Variants in PDK3 observed in about 807,000 individuals in gnomAD.
The protein encoded by PDK3 is pyruvate dehydrogenase kinase, isozyme 3.
A neutral mutation model predicts 32.0 loss-of-function variants in PDK3; 12 were observed. The ratio of observed to expected loss-of-function variants is 0.37; its 90% CI spans 0.24 to 0.61. The LOEUF (loss-of-function observed/expected upper bound fraction) is 0.61. Among genes scored for constraint, PDK3 ranks in the 20% least tolerant of loss-of-function variants. The pLI is 0.65. For missense variants in PDK3, 188 were observed against 316.9 expected (o/e 0.59, Z 3.09); for synonymous variants, 122 against 116.3 (o/e 1.05, Z -0.31).
chrX:24,496,638 G>T (rs1219562075), intron 2 of PDK3, among the ~76,000 whole-genome samples: 1 of 73,802 alleles, frequency 1.4e-5, no homozygotes, highest in African/African-American at 5.4e-5. Flanking sequence ...ATCATGCATT[G>T]TGTTTCACTG....
chrX:24,502,840 T>C (rs1921893611), intron 3 of PDK3, among the ~76,000 whole-genome samples: 1 of 111,717 alleles, frequency 9.0e-6, no homozygotes. Context: ...TGAGACTCCG[T>C]CAAAAGAACA....
At chrX:24,522,688 T>C (rs950777812) in intron 6 of PDK3, among the ~76,000 whole-genome samples, 5 of 110,632 alleles carry the variant, frequency 4.5e-5, no homozygotes, top group Admixed American at 9.7e-5. Context: ...GGCGGATCAC[T>C]TGAGGTCAGG....
chrX:24,527,995 CTTTA>C (rs1263430119), intron 8 of PDK3, 77 bp from the exon 9 acceptor site: 1 of 554,173 alleles, frequency 1.8e-6, no homozygotes, highest in Non-Finnish European at 3.2e-6. Flanking sequence ...CTGCTATGTA[CTTTA>C]TTTAATGAAC....
intron 1 of PDK3, among the ~76,000 whole-genome samples, chrX:24,487,276 C>G: frequency 8.9e-6 from 1 of 111,892 alleles, no homozygotes; most frequent in Middle Eastern, 4.6e-3. Flanking sequence ...TCAGTGTTTT[C>G]AACAGATTGA....
At chrX:24,467,154 C>G (rs1207303658) in intron 1 of PDK3, among the ~76,000 whole-genome samples, 1 of 112,032 alleles carries the variant, frequency 8.9e-6, no homozygotes, top group African/African-American at 3.2e-5. Context: ...ATAGTGTTAT[C>G]ATGGAAAACC....
chrX:24,465,637 T>C (rs1940056347), intron 1 of PDK3, 76 bp downstream of exon 1: 1 of 770,670 alleles, frequency 1.3e-6, no homozygotes, highest in East Asian at 3.5e-5. Flanking sequence ...CTCCGCAGCT[T>C]CGGGGTAAAG....
At chrX:24,473,471 C>G (rs190312910) in intron 1 of PDK3, among the ~76,000 whole-genome samples, 80 of 110,194 alleles carry the variant, frequency 7.3e-4, no homozygotes, top group African/African-American at 2.6e-3. Context: ...GAGTCTCACT[C>G]TGTCACCTAG....
At position 24,465,404 on chromosome X, in the gene PDK3, C is replaced by A; in HGVS notation, c.-52C>A. On this transcript the variant is annotated 5_prime_UTR_variant, in exon 1 of 11. Coordinates refer to ENST00000379162, the MANE Select transcript of PDK3 (RefSeq NM_005391.5). Reference sequence around the variant, plus strand: ...TATCCGTGCGGCTTGGCTGCGCCAGCCCTTGCGGCCACCCGGGCGTCTAGG... The same window carrying A: ...TATCCGTGCGGCTTGGCTGCGCCAGACCTTGCGGCCACCCGGGCGTCTAGG... 1.0e-6 allele frequency: 1 copy of A among 959,652 alleles called. No homozygotes were observed. The highest frequency in any genetic ancestry group is 2.1e-5 in the South Asian group (1 of 48,067). 79.1% of individuals were successfully genotyped at this position (959,652 alleles called of 1,213,427 possible).
chrX:24,489,798 G>A (rs148542739), intron 1 of PDK3, among the ~76,000 whole-genome samples: 1,783 of 111,225 alleles, frequency 0.016, 16 homozygotes, highest in Middle Eastern at 0.028. Flanking sequence ...TACCATAGGC[G>A]AGGCACTATA....
chrX:24,496,769 ATCTTTTTT>A (rs1921721467), intron 2 of PDK3, among the ~76,000 whole-genome samples: 2 of 73,018 alleles, frequency 2.7e-5, no homozygotes, highest in Non-Finnish European at 4.9e-5. Flanking sequence ...CCTCAAAATA[ATCTTTTTT>A]TTTTTTTTTT....
At chrX:24,517,764 CTTTTA>C (rs1244107182) in intron 5 of PDK3, among the ~76,000 whole-genome samples, 2 of 112,120 alleles carry the variant, frequency 1.8e-5, no homozygotes, top group Non-Finnish European at 3.8e-5. Context: ...TACCATATGT[CTTTTA>C]TTTTATCCTT....
downstream of PDK3, among the ~76,000 whole-genome samples, chrX:24,537,097 A>T (rs1393902093): frequency 1.9e-5 from 2 of 102,878 alleles, no homozygotes; most frequent in East Asian, 6.0e-4. Flanking sequence ...TCCCTCAAGG[A>T]GTCTTGTTTC....
chrX:24,531,148 C>T (rs1922640293), intron 9 of PDK3, among the ~76,000 whole-genome samples: 1 of 109,929 alleles, frequency 9.1e-6, no homozygotes, highest in Non-Finnish European at 1.9e-5. Context: ...TCACTGCAAC[C>T]TCCACCTCCT....
intron 3 of PDK3, among the ~76,000 whole-genome samples, chrX:24,501,711 CATAA>C (rs1386162063): frequency 1.8e-5 from 2 of 112,335 alleles, no homozygotes; most frequent in African/African-American, 3.2e-5. Context: ...GACTCTGTCT[CATAA>C]ATAAATAAAC....
chrX:24,475,097 A>T lies in PDK3; in HGVS notation c.106+9536A>T, dbSNP rs780168161. On this transcript the variant is annotated intron_variant, in intron 1 of 10. Transcript: ENST00000379162. ...TCTTGGAGAAAATGGAAAGGTTTTT[A>T]AAAAAATTATGTTAGGAAAAGGGAA... 1.6e-3 allele frequency among the ~76,000 whole-genome samples: 184 copies of T among 112,064 alleles called. 1 individual carries two copies. Among genetic ancestry groups the T allele is most frequent in the South Asian group, 8.5e-3 (23 of 2,713 alleles).
At chrX:24,549,538 T>TA (rs1354830082) in exon 12 of PDK3, 3 of 112,206 alleles carry the variant, frequency 2.7e-5, no homozygotes, top group African/African-American at 9.7e-5. Context: ...TGTTCATTGT[T>TA]ACAATTGTGC....
intron 6 of PDK3, among the ~76,000 whole-genome samples, chrX:24,525,973 T>C (rs1922514633): frequency 8.9e-6 from 1 of 112,728 alleles, no homozygotes; most frequent in Non-Finnish European, 1.9e-5. Flanking sequence ...TTGAGTGATT[T>C]ATCCAAGGTC....
At chrX:24,528,547 A>G (rs1457984649) in intron 9 of PDK3, among the ~76,000 whole-genome samples, 1 of 112,859 alleles carries the variant, frequency 8.9e-6, no homozygotes, top group Non-Finnish European at 1.9e-5. Context: ...TACTGAATGC[A>G]TAGCTGCCGC....
At chrX:24,478,020 G>A (rs181941267) in intron 1 of PDK3, among the ~76,000 whole-genome samples, 1 of 112,062 alleles carries the variant, frequency 8.9e-6, no homozygotes, top group African/African-American at 3.2e-5. Flanking sequence ...CTTTTCTTGT[G>A]TACTAATTCT....
Sources: allele counts gnomAD v4.1 joint callset (sites outside exome capture counted in the v4.1 genomes callset), GRCh38; gene constraint gnomAD v4.1.1; transcripts MANE v1.5; gene names NCBI Gene and HGNC (gene_info 2026-07-23, HGNC 2026-07-21).